Variants in TOP3A observed in about 807,000 individuals in gnomAD.
TOP3A encodes the protein DNA topoisomerase III alpha, also known as DNA topoisomerase 3-alpha.
Under a neutral mutation model 111.3 loss-of-function variants are expected in TOP3A, and 64 were observed. The ratio of observed to expected loss-of-function variants is 0.57; its 90% CI spans 0.47 to 0.71. The LOEUF (loss-of-function observed/expected upper bound fraction) is 0.71. TOP3A is among the 30% of genes least tolerant of loss of function. The probability of loss-of-function intolerance (pLI) is 0.00; values close to 1 mark genes in which losing one functional copy is unlikely to be tolerated. For synonymous variants in TOP3A, 484 were observed against 485.1 expected (o/e 1.00, Z 0.03); for missense variants, 1,104 against 1,285.0 (o/e 0.86, Z 2.15).
At chr17:18,297,708 G>A (rs62072512) in intron 9 of TOP3A, among the ~76,000 whole-genome samples, 33,407 of 151,898 alleles carry the variant, frequency 0.22, 3,857 homozygotes, top group East Asian at 0.3. Flanking sequence ...TGCAGACGGA[G>A]TCTCGTTCAC....
Position 18,295,159 on chromosome 17 carries a change from A to AT in TOP3A, c.991-375dup, listed in dbSNP as rs1228691244. 8.8e-3 allele frequency among the ~76,000 whole-genome samples: 1,287 copies of AT among 146,974 alleles called. 16 individuals are homozygous for AT. The highest frequency in any genetic ancestry group is 0.028 in the African/African-American group (1,147 of 40,342). On this transcript the variant is annotated intron_variant, in intron 9 of 18. Transcript: ENST00000321105. ...CTACCATATCCAGCCCAAACTCCAC[A>AT]TTTTTTTTTTTGAGACGGAGTCTCG...
chr17:18,310,868 C>T (rs1194367260), intron 1 of TOP3A, among the ~76,000 whole-genome samples: 19 of 152,206 alleles, frequency 1.2e-4, no homozygotes, highest in Non-Finnish European at 2.9e-5. Context: ...TCTCTTCCCA[C>T]CACACCACAC....
At chr17:18,280,267 A>G (rs764194758) in intron 17 of TOP3A, 9 of 258,106 alleles carry the variant, frequency 3.5e-5, no homozygotes, top group East Asian at 7.1e-5. Flanking sequence ...TGGTGTAGCA[A>G]TCATCTATCT....
At chr17:18,276,975 G>A (rs1412887559) in intron 18 of TOP3A, among the ~76,000 whole-genome samples, 3 of 152,094 alleles carry the variant, frequency 2.0e-5, no homozygotes, top group African/African-American at 7.2e-5. Flanking sequence ...CACCTGAGGT[G>A]GAGTTCGAGA....
At chr17:18,280,436 G>T in intron 17 of TOP3A, 100 bp downstream of exon 17, 1 of 1,407,370 alleles carries the variant, frequency 7.1e-7, no homozygotes, top group Non-Finnish European at 9.6e-7. Context: ...TGCAGGGCCT[G>T]AGTGGAATCC....
chr17:18,302,966 T>TG, intron 5 of TOP3A: 1 of 452,412 alleles, frequency 2.2e-6, no homozygotes, highest in Non-Finnish European at 3.9e-6. Context: ...CTAGTAACTG[T>TG]GGGGAAAAGA....
At chr17:18,294,574 C>G (rs3764405) in intron 10 of TOP3A, 129 bp downstream of exon 10, 4 of 653,086 alleles carry the variant, frequency 6.1e-6, no homozygotes, top group Non-Finnish European at 5.4e-6. Flanking sequence ...GTGATCTGCC[C>G]GCCTCAGCCA....
At position 18,314,757 on chromosome 17, in the gene TOP3A, A is replaced by T. The variant is rs1360563127; in HGVS notation, c.22T>A (p.Tyr8Asn). The T allele has an allele frequency of 1.3e-6, 2 of 1,556,514 alleles. No individual in the cohort carries two copies. The highest frequency in any genetic ancestry group is 8.7e-7 in the Non-Finnish European group (1 of 1,150,584). ...GGCCGTCGCAGCCACCGGAGCGCGTAGCGGGCGACAGGAAAGATCATCCTC... is the reference window on the plus strand; with the variant it reads ...GGCCGTCGCAGCCACCGGAGCGCGTTGCGGGCGACAGGAAAGATCATCCTC... MIFPVAR[Y>N]ALRWLRRPED... The change falls in exon 1 of 19, where the codon TAC becomes AAC. Residue 8 changes from tyrosine (Y) to asparagine (N), a missense_variant. Transcript: ENST00000321105.
chr17:18,305,706 C>T (rs1448846780), intron 4 of TOP3A, among the ~76,000 whole-genome samples: 1 of 152,018 alleles, frequency 6.6e-6, no homozygotes, highest in East Asian at 1.9e-4. Flanking sequence ...GGCATGGTGG[C>T]AGGCACCTGT....
rs752253181 is a variant in TOP3A at position 18,290,702 on chromosome 17, G to A, written c.1468-16C>T. 3.8e-6 allele frequency: 6 copies of A among 1,585,272 alleles called. No homozygotes were observed. The highest frequency in any genetic ancestry group is 2.2e-5 in the East Asian group (1 of 44,500). On this transcript the variant is annotated splice_polypyrimidine_tract_variant and intron_variant, in intron 12 of 18. Coordinates refer to ENST00000321105, the MANE Select transcript of TOP3A (RefSeq NM_004618.5). ...CAGGGAGGATCTACAGGGAGCGGCA[G>A]GTGCAACAGTCAGATGATTCCATCA...
intron 8 of TOP3A, among the ~76,000 whole-genome samples, chr17:18,300,856 A>G (rs1407840328): frequency 6.6e-6 from 1 of 152,206 alleles, no homozygotes; most frequent in Non-Finnish European, 1.5e-5. Context: ...AGAGAGATGG[A>G]GAAGGCAGCA....
chr17:18,294,877 C>T (rs1232055651), intron 9 of TOP3A, 92 bp from the exon 10 acceptor site: 11 of 832,564 alleles, frequency 1.3e-5, no homozygotes, highest in East Asian at 1.0e-4. Flanking sequence ...AAATCTGGCC[C>T]GTGTCACTCC....
chr17:18,294,617 C>G (rs1035676719), intron 10 of TOP3A, 86 bp downstream of exon 10: 2 of 1,041,986 alleles, frequency 1.9e-6, no homozygotes, highest in Non-Finnish European at 1.5e-6. Flanking sequence ...TGTGAGCCAC[C>G]GTGCCCAACC....
intron 5 of TOP3A, among the ~76,000 whole-genome samples, chr17:18,304,046 C>A (rs1462940803): frequency 6.6e-6 from 1 of 152,094 alleles, no homozygotes; most frequent in Non-Finnish European, 1.5e-5. Context: ...CTCACTGCAA[C>A]CTCTGCTTCC....
rs761786093 is a variant in TOP3A at position 18,314,691 on chromosome 17, G to C, written c.88C>G (p.Leu30Val). 11 of 1,612,234 alleles carry C rather than the reference G, an allele frequency of 6.8e-6. No homozygotes were observed. The highest frequency in any genetic ancestry group is 5.9e-6 in the Non-Finnish European group (7 of 1,179,216). ...CAGAGGACTTTCCGCACGCCTCGGA[G>C]GGCCATCTCCATGGCGGCGCGGGAA... The part of the protein sequence containing the change: ...AFSRAAMEMA[L>V]RGVRKVLCVA... The change falls in exon 1 of 19, where the codon CTC becomes GTC. Residue 30 changes from leucine (L) to valine (V), a missense_variant. Leu to Val is a conservative substitution (Grantham distance 32). Transcript: ENST00000321105.
Position 18,308,935 on chromosome 17 carries a change from C to G in TOP3A, c.187G>C (p.Gly63Arg). ...LSNGRMRRRE[G>R]LSKFNKIYEF... ...TAGATCTTGTTGAATTTTGAAAGTC[C>G]TTCTCTCTATAAAACAAAAATAAGT... The change falls in exon 2 of 19, where the codon GGA becomes CGA. Residue 63 changes from glycine to arginine, a missense_variant. By Grantham distance (125) the Gly-to-Arg change is moderately radical. Coordinates refer to ENST00000321105, the MANE Select transcript of TOP3A (RefSeq NM_004618.5). 6.5e-7 allele frequency: 1 copy of G among 1,529,486 alleles called. No homozygotes were observed. Among genetic ancestry groups the G allele is most frequent in the Non-Finnish European group, 8.9e-7 (1 of 1,123,806 alleles). The allele number at this position is 1,529,486 out of a possible 1,614,324, so 94.7% of individuals were successfully genotyped here. A position where few individuals can be genotyped will look rare whatever the true frequency, so the allele number is the denominator to read the frequency against.
rs752529340 is a variant in TOP3A, at chr17:18,285,307, C to A, written c.1712G>T (p.Gly571Val). 2 of 1,614,004 alleles carry A rather than the reference C, an allele frequency of 1.2e-6. No homozygotes were observed. The highest frequency in any genetic ancestry group is 1.3e-5 in the African/African-American group (1 of 74,900). The change falls in exon 15 of 19, where the codon GGT (glycine) becomes GTT (valine). Residue 571 changes from glycine to valine, a missense_variant and splice_region_variant. Gly to Val is a moderately radical substitution (Grantham distance 109). Coordinates refer to ENST00000321105, the MANE Select transcript of TOP3A (RefSeq NM_004618.5). ...PGHLGMGLVE[G>V]YDSMGYEMSK... The stretch of plus-strand genomic sequence containing the variant: ...CATTTCATAGCCCATGGAATCATAA[C>A]CTGCAGGGAGAGAGTCGAGCTCAGT...
chr17:18,299,597 G>A lies in TOP3A; in HGVS notation c.952C>T (p.Pro318Ser). The part of the protein sequence containing the change: ...MATVVEVRSK[P>S]KSKWRPQALD... The stretch of plus-strand genomic sequence containing the variant: ...GCTTGAGGCCGCCACTTGCTCTTGG[G>A]CTTAGATCTGACCTCTACCACAGTT... The change falls in exon 9 of 19, where the codon CCC becomes TCC. Residue 318 changes from proline to serine, a missense_variant. Physicochemically the swap from Pro to Ser is moderately conservative, Grantham distance 74 (BLOSUM62 -1). Transcript: ENST00000321105. 1.9e-6 allele frequency: 3 copies of A among 1,614,102 alleles called. No individual in the cohort carries two copies. The highest frequency in any genetic ancestry group is 2.5e-6 in the Non-Finnish European group (3 of 1,179,956).
chr17:18,307,097 A>C, intron 3 of TOP3A, 131 bp from the exon 4 acceptor site: 1 of 632,172 alleles, frequency 1.6e-6, no homozygotes, highest in Non-Finnish European at 2.8e-6. Flanking sequence ...ATTGAAAGTA[A>C]GGCTATGACC....
Sources: gnomAD v4.1 joint callset for allele counts (sites outside exome capture counted in the v4.1 genomes callset) on GRCh38, gnomAD v4.1.1 for gene constraint, MANE v1.5 for transcripts, NCBI Gene and HGNC (gene_info 2026-07-23, HGNC 2026-07-21) for gene names.